The following YAF2 variants were observed in gnomAD, a reference collection of about 807,000 sequenced individuals.
YAF2 encodes the protein YY1-associated factor 2.
YAF2 carries 7 observed loss-of-function variants against 20.1 expected under a neutral mutation model. The ratio of observed to expected loss-of-function variants is 0.35; its 90% CI spans 0.20 to 0.65. The LOEUF (loss-of-function observed/expected upper bound fraction) is 0.65, where lower values mean the gene tolerates loss of function less well. Ranked by LOEUF, YAF2 falls within the 30% of genes least tolerant of loss-of-function variation. YAF2 has a pLI of 0.69. For missense variants in YAF2, 151 were observed against 219.2 expected, an observed-to-expected ratio of 0.69 and a Z score of 1.96; for synonymous variants, 74 against 76.0, an observed-to-expected ratio of 0.97 and a Z score of 0.14.
intron 2 of YAF2, chr12:42,237,312 G>T: frequency 1.3e-6 from 1 of 791,062 alleles, no homozygotes; most frequent in Non-Finnish European, 1.6e-6. Flanking sequence ...ATGGGGAGAG[G>T]GGCATTACAC....
At chr12:42,231,953 T>C (rs2067995794) in intron 2 of YAF2, 1 of 152,226 alleles carries the variant, frequency 6.6e-6, no homozygotes, top group South Asian at 2.1e-4. Context: ...TTTCAGGTAG[T>C]CTTTCAAGTA....
At chr12:42,238,072 G>C in intron 1 of YAF2, 83 bp downstream of exon 1, 1 of 1,220,166 alleles carries the variant, frequency 8.2e-7, no homozygotes, top group Non-Finnish European at 1.1e-6. Context: ...GTGCCCGGGC[G>C]GCTAGCGAGG....
intron 2 of YAF2, among the ~76,000 whole-genome samples, chr12:42,224,132 C>G (rs1434074984): frequency 6.6e-6 from 1 of 152,108 alleles, no homozygotes; most frequent in Non-Finnish European, 1.5e-5. Flanking sequence ...GTTGGAAAAT[C>G]CATTCTCAAC....
intron 2 of YAF2, among the ~76,000 whole-genome samples, chr12:42,176,724 G>A (rs544772581): frequency 2.0e-5 from 3 of 152,228 alleles, no homozygotes; most frequent in Admixed American, 1.3e-4. Flanking sequence ...CACTTTGGGA[G>A]GCTGAGGTGG....
chr12:42,183,938 A>T (rs540160008), intron 2 of YAF2, among the ~76,000 whole-genome samples: 1 of 152,318 alleles, frequency 6.6e-6, no homozygotes, highest in East Asian at 1.9e-4. Context: ...GCCAATGCTC[A>T]CTGACCATTC....
At chr12:42,216,060 T>C (rs1319958210) in intron 2 of YAF2, among the ~76,000 whole-genome samples, 1 of 152,150 alleles carries the variant, frequency 6.6e-6, no homozygotes, top group Admixed American at 6.5e-5. Flanking sequence ...GTTAATTCTA[T>C]CACATTTTGT....
intron 2 of YAF2, chr12:42,234,937 T>G: frequency 1.1e-6 from 1 of 937,422 alleles, no homozygotes; most frequent in Non-Finnish European, 1.3e-6. Flanking sequence ...GCAGTGAGCC[T>G]GGATGATGCC....
chr12:42,224,765 C>A (rs531190941), intron 2 of YAF2, among the ~76,000 whole-genome samples: 67 of 152,254 alleles, frequency 4.4e-4, no homozygotes, highest in Middle Eastern at 3.4e-3. Flanking sequence ...TTTTCTTTAT[C>A]CAGTCTATCA....
At chr12:42,228,234 C>A (rs1217692750) in intron 2 of YAF2, among the ~76,000 whole-genome samples, 1 of 90,852 alleles carries the variant, frequency 1.1e-5, no homozygotes, top group Non-Finnish European at 2.2e-5. Context: ...CCGCCCCGTC[C>A]TGGAGGGAGG....
intron 2 of YAF2, among the ~76,000 whole-genome samples, chr12:42,228,465 G>C (rs1310592313): frequency 2.6e-5 from 1 of 39,104 alleles, no homozygotes; most frequent in Non-Finnish European, 4.2e-5. Flanking sequence ...GCCCCGTCCG[G>C]GAGGGAGGTG....
intron 2 of YAF2, among the ~76,000 whole-genome samples, chr12:42,221,526 T>G (rs2067512381): frequency 6.6e-6 from 1 of 152,134 alleles, no homozygotes; most frequent in Non-Finnish European, 1.5e-5. Context: ...ACCACTGCAC[T>G]CCGGCCTGGG....
chr12:42,171,819 C>A (rs1431771816), intron 2 of YAF2, among the ~76,000 whole-genome samples: 1 of 151,466 alleles, frequency 6.6e-6, no homozygotes, highest in Non-Finnish European at 1.5e-5. Flanking sequence ...AAAAAATTGG[C>A]CAGGTGTACT....
At chr12:42,198,201 T>A (rs950866464) in intron 2 of YAF2, among the ~76,000 whole-genome samples, 1 of 152,140 alleles carries the variant, frequency 6.6e-6, no homozygotes, top group Non-Finnish European at 1.5e-5. Context: ...GGCCTTTCCT[T>A]AGGGAGATGA....
At chr12:42,218,255 A>C (rs954737410) in intron 2 of YAF2, among the ~76,000 whole-genome samples, 7 of 151,312 alleles carry the variant, frequency 4.6e-5, no homozygotes, top group African/African-American at 1.7e-4. Context: ...ATCAAGGCTT[A>C]GGTATTTCAT....
At chr12:42,160,887 T>C (rs536391780) in intron 3 of YAF2, 61 bp from the exon 4 acceptor site, 2 of 1,399,584 alleles carry the variant, frequency 1.4e-6, no homozygotes, top group African/African-American at 1.4e-5. Flanking sequence ...TCTGAGCATA[T>C]AATAAATAAT....
chr12:42,167,599 T>C (rs939588653), intron 2 of YAF2, among the ~76,000 whole-genome samples: 1 of 152,234 alleles, frequency 6.6e-6, no homozygotes, highest in African/African-American at 2.4e-5. Context: ...AATACACATA[T>C]CCTGTAACTA....
intron 2 of YAF2, among the ~76,000 whole-genome samples, chr12:42,175,167 T>C (rs2066147165): frequency 6.6e-6 from 1 of 152,120 alleles, no homozygotes; most frequent in Admixed American, 6.5e-5. Context: ...CTGTGGTACA[T>C]CCATACAATG....
At chr12:42,184,120 C>A (rs1159571964) in intron 2 of YAF2, among the ~76,000 whole-genome samples, 1 of 152,176 alleles carries the variant, frequency 6.6e-6, no homozygotes, top group Non-Finnish European at 1.5e-5. Context: ...ACTGTTTAAG[C>A]TCACTATTGA....
chr12:42,178,900 C>A (rs1166158898), intron 2 of YAF2, among the ~76,000 whole-genome samples: 1 of 151,906 alleles, frequency 6.6e-6, no homozygotes, highest in African/African-American at 2.4e-5. Flanking sequence ...AAAAAAATAC[C>A]CCTTTAGCCA....
Sources: allele counts gnomAD v4.1 joint callset (sites outside exome capture counted in the v4.1 genomes callset), GRCh38; gene constraint gnomAD v4.1.1; transcripts MANE v1.5; gene names NCBI Gene and HGNC (gene_info 2026-07-23, HGNC 2026-07-21).